The following DSCAM variants were observed in gnomAD, a reference collection of about 807,000 sequenced individuals.
DSCAM encodes DS cell adhesion molecule, also known as cell adhesion molecule DSCAM.
DSCAM carries 47 observed loss-of-function variants against 217.7 expected under a neutral mutation model. That is an observed-to-expected ratio of 0.22 (90% CI 0.17 to 0.28). The LOEUF (loss-of-function observed/expected upper bound fraction) is 0.28. Among genes scored for constraint, DSCAM ranks in the 10% least tolerant of loss-of-function variants. The probability of loss-of-function intolerance (pLI) is 1.00; values close to 1 mark genes in which losing one functional copy is unlikely to be tolerated. For missense variants in DSCAM, 2,080 were observed against 2,618.3 expected (o/e 0.79, Z 4.49); for synonymous variants, 1,056 against 1,015.3 (o/e 1.04, Z -0.76).
At chr21:40,014,619 C>T (rs771660081) in intron 32 of DSCAM, among the ~76,000 whole-genome samples, 7 of 152,134 alleles carry the variant, frequency 4.6e-5, no homozygotes, top group African/African-American at 1.4e-4. Flanking sequence ...AGAAGTGCAC[C>T]GCAGCCTGAC....
chr21:40,763,796 C>G (rs1376506409), intron 1 of DSCAM, among the ~76,000 whole-genome samples: 1 of 152,148 alleles, frequency 6.6e-6, no homozygotes, highest in African/African-American at 2.4e-5. Flanking sequence ...CAGCACACAT[C>G]TACAACCATC....
chr21:40,263,645 C>A (rs1242647542), intron 11 of DSCAM, among the ~76,000 whole-genome samples: 2 of 151,788 alleles, frequency 1.3e-5, no homozygotes, highest in Non-Finnish European at 2.9e-5. Context: ...CATCACATTT[C>A]AAGGAATGAA....
chr21:40,228,643 C>CT (rs566256586), intron 11 of DSCAM, among the ~76,000 whole-genome samples: 7,084 of 134,714 alleles, frequency 0.053, 277 homozygotes, highest in South Asian at 0.11. Context: ...CACCTCTTTT[C>CT]TTTTTTTTTT....
intron 3 of DSCAM, among the ~76,000 whole-genome samples, chr21:40,420,469 G>A (rs1328951590): frequency 2.0e-5 from 3 of 152,094 alleles, no homozygotes; most frequent in African/African-American, 7.2e-5. Flanking sequence ...GAAAACTGAG[G>A]GAATCAAGTC....
chr21:40,593,825 T>C (rs2077001333), intron 3 of DSCAM, among the ~76,000 whole-genome samples: 1 of 152,230 alleles, frequency 6.6e-6, no homozygotes, highest in Non-Finnish European at 1.5e-5. Context: ...GATCCATTTC[T>C]GATGTTCATC....
At chr21:40,616,398 G>T (rs1407734043) in intron 3 of DSCAM, among the ~76,000 whole-genome samples, 2 of 152,172 alleles carry the variant, frequency 1.3e-5, no homozygotes, top group Non-Finnish European at 2.9e-5. Context: ...CAAGTCAATA[G>T]CATGATTTAC....
At chr21:40,561,677 C>G (rs1183651055) in intron 3 of DSCAM, among the ~76,000 whole-genome samples, 2 of 152,170 alleles carry the variant, frequency 1.3e-5, no homozygotes, top group East Asian at 3.9e-4. Context: ...TTTCTCTTTC[C>G]TTTTTTGTTT....
intron 3 of DSCAM, among the ~76,000 whole-genome samples, chr21:40,671,839 C>T (rs1162635643): frequency 6.6e-6 from 1 of 152,110 alleles, no homozygotes; most frequent in Non-Finnish European, 1.5e-5. Flanking sequence ...AGCAGTTCTC[C>T]AAGAAACCAC....
chr21:40,029,131 C>T (rs1018781083), intron 32 of DSCAM, among the ~76,000 whole-genome samples: 10 of 152,204 alleles, frequency 6.6e-5, no homozygotes, highest in Non-Finnish European at 1.0e-4. Flanking sequence ...ATTTTTTTTC[C>T]TCTGGGTCAA....
chr21:40,762,305 A>G (rs1363925843), intron 1 of DSCAM, among the ~76,000 whole-genome samples: 2 of 152,178 alleles, frequency 1.3e-5, no homozygotes, highest in Non-Finnish European at 2.9e-5. Flanking sequence ...ACAGAAATAC[A>G]AACTACCATA....
intron 11 of DSCAM, among the ~76,000 whole-genome samples, chr21:40,240,870 A>C (rs1397002931): frequency 6.6e-6 from 1 of 152,194 alleles, no homozygotes; most frequent in African/African-American, 2.4e-5. Flanking sequence ...TTCTATCAAG[A>C]TCTATCACAT....
intron 3 of DSCAM, among the ~76,000 whole-genome samples, chr21:40,465,291 T>C (rs997711483): frequency 6.6e-6 from 1 of 152,144 alleles, no homozygotes; most frequent in Non-Finnish European, 1.5e-5. Context: ...TGCACCTGCT[T>C]TTCTCTCTCC....
chr21:40,617,981 T>C (rs1389625230), intron 3 of DSCAM, among the ~76,000 whole-genome samples: 3 of 152,240 alleles, frequency 2.0e-5, no homozygotes, highest in Admixed American at 6.5e-5. Flanking sequence ...TTTGTCAATA[T>C]GGCTGCCTGG....
chr21:40,367,534 A>C (rs1192723797), intron 4 of DSCAM, among the ~76,000 whole-genome samples: 1 of 152,200 alleles, frequency 6.6e-6, no homozygotes, highest in Non-Finnish European at 1.5e-5. Flanking sequence ...ACATGTTAGA[A>C]ATGCATTCTG....
chr21:40,035,691 C>A (rs2088606882), intron 32 of DSCAM, among the ~76,000 whole-genome samples: 2 of 150,840 alleles, frequency 1.3e-5, no homozygotes, highest in African/African-American at 2.5e-5. Context: ...GAACTCTCCA[C>A]CCCAAATCAA....
chr21:40,601,681 C>G (rs941571796), intron 3 of DSCAM, among the ~76,000 whole-genome samples: 11 of 152,222 alleles, frequency 7.2e-5, no homozygotes, highest in African/African-American at 2.6e-4. Context: ...TGAGGAAGTT[C>G]CCCTCTATTC....
At chr21:40,180,677 GT>G (rs1448848610) in intron 14 of DSCAM, among the ~76,000 whole-genome samples, 1 of 152,188 alleles carries the variant, frequency 6.6e-6, no homozygotes, top group Non-Finnish European at 1.5e-5. Context: ...GAAGTAGGCA[GT>G]TGTGGTGGTT....
intron 3 of DSCAM, among the ~76,000 whole-genome samples, chr21:40,525,811 G>A (rs1167347864): frequency 6.6e-6 from 1 of 152,188 alleles, no homozygotes; most frequent in African/African-American, 2.4e-5. Context: ...TCTCAGCCAA[G>A]AGGGCTCCTA....
chr21:40,677,546 C>G (rs2090354221), intron 3 of DSCAM, among the ~76,000 whole-genome samples: 1 of 152,056 alleles, frequency 6.6e-6, no homozygotes, highest in East Asian at 1.9e-4. Context: ...TCCATGATCC[C>G]CCCAAAAAGT....
Sources: gnomAD v4.1 joint callset for allele counts (sites outside exome capture counted in the v4.1 genomes callset) on GRCh38, gnomAD v4.1.1 for gene constraint, MANE v1.5 for transcripts, NCBI Gene and HGNC (gene_info 2026-07-23, HGNC 2026-07-21) for gene names.